Variants in EXTL3 observed in about 807,000 individuals in gnomAD.
The protein encoded by EXTL3 is exostosin-like 3.
A neutral mutation model predicts 69.3 loss-of-function variants in EXTL3; 27 were observed. The observed-to-expected ratio is 0.39, with a 90% CI of 0.29 to 0.54. EXTL3 has a LOEUF of 0.54. EXTL3 is among the 20% of genes least tolerant of loss of function. EXTL3 has a pLI of 0.69. For synonymous variants in EXTL3, 511 were observed against 499.4 expected, an observed-to-expected ratio of 1.02 and a Z score of -0.31; for missense variants, 1,003 against 1,231.8, an observed-to-expected ratio of 0.81 and a Z score of 2.78.
At chr8:28,651,332 CT>C (rs2130603526) in intron 1 of EXTL3, among the ~76,000 whole-genome samples, 1 of 152,166 alleles carries the variant, frequency 6.6e-6, no homozygotes, top group South Asian at 2.1e-4. Context: ...ACAGTTTCTT[CT>C]GTTTTTTTCA....
At chr8:28,638,157 G>A (rs577797565) in intron 1 of EXTL3, among the ~76,000 whole-genome samples, 1 of 152,154 alleles carries the variant, frequency 6.6e-6, no homozygotes, top group East Asian at 1.9e-4. Context: ...TACTCTCCCT[G>A]TACCCATCTT....
At chr8:28,636,839 T>C (rs1806664191) in intron 1 of EXTL3, among the ~76,000 whole-genome samples, 1 of 152,132 alleles carries the variant, frequency 6.6e-6, no homozygotes, top group Non-Finnish European at 1.5e-5. Flanking sequence ...GGTGAAACCC[T>C]GTCTCTACTA....
chr8:28,620,455 T>G (rs751290026), upstream of EXTL3, among the ~76,000 whole-genome samples: 2 of 152,150 alleles, frequency 1.3e-5, no homozygotes, highest in Non-Finnish European at 2.9e-5. Context: ...GGGGATGCTG[T>G]TTCCCATAAC....
At chr8:28,628,711 T>C (rs1806530467) in intron 1 of EXTL3, among the ~76,000 whole-genome samples, 1 of 152,210 alleles carries the variant, frequency 6.6e-6, no homozygotes, top group Non-Finnish European at 1.5e-5. Context: ...TAGAGTGCAG[T>C]GGCACAATCT....
At chr8:28,698,380 T>C (rs924560562), upstream of EXTL3, 1 of 152,228 alleles carries the variant, frequency 6.6e-6, no homozygotes, top group African/African-American at 2.4e-5. Flanking sequence ...TAGGAAGATT[T>C]GCAGTCCCGT....
intron 2 of EXTL3, among the ~76,000 whole-genome samples, chr8:28,611,681 T>G (rs1307035047): frequency 1.1e-4 from 16 of 152,122 alleles, no homozygotes; most frequent in Admixed American, 1.0e-3. Context: ...AGCCCCGAGG[T>G]GAAAGGCCTC....
At chr8:28,687,687 A>C (rs1276706452) in intron 1 of EXTL3, among the ~76,000 whole-genome samples, 2 of 152,192 alleles carry the variant, frequency 1.3e-5, no homozygotes, top group Non-Finnish European at 2.9e-5. Flanking sequence ...ACCTAGTGAT[A>C]AAAAGATGGC....
chr8:28,718,771 T>C (rs1210806860), intron 3 of EXTL3, among the ~76,000 whole-genome samples: 1 of 152,142 alleles, frequency 6.6e-6, no homozygotes, highest in East Asian at 1.9e-4. Flanking sequence ...TAGAAGTCTT[T>C]TGGAAGACTG....
chr8:28,722,722 T>C (rs1311047955), intron 3 of EXTL3, among the ~76,000 whole-genome samples: 1 of 146,854 alleles, frequency 6.8e-6, no homozygotes, highest in East Asian at 2.0e-4. Flanking sequence ...TGCAGTGAGC[T>C]GTGATTGTGC....
intron 1 of EXTL3, among the ~76,000 whole-genome samples, chr8:28,665,565 C>T (rs1807183911): frequency 6.6e-6 from 1 of 151,880 alleles, no homozygotes; most frequent in Admixed American, 6.6e-5. Flanking sequence ...GCACATGGCA[C>T]CACACCAAGC....
At chr8:28,745,423 A>G (rs1403229323) in intron 6 of EXTL3, among the ~76,000 whole-genome samples, 2 of 152,346 alleles carry the variant, frequency 1.3e-5, no homozygotes, top group African/African-American at 4.8e-5. Context: ...ATTGTGAAAA[A>G]TAGTCACAAG....
At chr8:28,728,354 G>A (rs1438522748) in intron 3 of EXTL3, among the ~76,000 whole-genome samples, 1 of 152,162 alleles carries the variant, frequency 6.6e-6, no homozygotes, top group Non-Finnish European at 1.5e-5. Context: ...CTGCTCTCTC[G>A]TCTGACCTAG....
upstream of EXTL3, among the ~76,000 whole-genome samples, chr8:28,619,455 T>C (rs77555358): frequency 0.011 from 1,639 of 152,010 alleles, 25 homozygotes; most frequent in African/African-American, 0.038. Flanking sequence ...AGAACACGCT[T>C]CCTCCGGGTG....
intron 2 of EXTL3, among the ~76,000 whole-genome samples, chr8:28,714,583 C>A (rs1801101342): frequency 6.6e-6 from 1 of 152,070 alleles, no homozygotes; most frequent in Non-Finnish European, 1.5e-5. Context: ...CATGTCTTAG[C>A]CCTGTTAAGA....
At chr8:28,678,414 A>G (rs1422572734) in intron 1 of EXTL3, among the ~76,000 whole-genome samples, 1 of 152,268 alleles carries the variant, frequency 6.6e-6, no homozygotes. Flanking sequence ...TCATTTAGGA[A>G]TAGATTAATG....
rs533378857 is a variant in EXTL3, at chr8:28,669,921, C to T, written c.-52-43536C>T. On this transcript the variant is annotated intron_variant, in intron 1 of 6. Coordinates refer to the EXTL3 transcript ENST00000523149. ...AGGTTGCAGATGTCCTTTAAAGGGA[C>T]TTTGAGGCCGGGTGCAGTGGCTTAT... Among the ~76,000 whole-genome samples the T allele has an allele frequency of 1.1e-4, 16 of 152,128 alleles. 1 individual carries two copies. The South Asian group carries it at 2.9e-3, about 28-fold the overall frequency.
At chr8:28,688,157 G>A (rs920915293) in intron 1 of EXTL3, among the ~76,000 whole-genome samples, 3 of 151,634 alleles carry the variant, frequency 2.0e-5, no homozygotes, top group Non-Finnish European at 4.4e-5. Flanking sequence ...TGCCTCCCAG[G>A]TTCAAGCAAT....
intron 3 of EXTL3, among the ~76,000 whole-genome samples, chr8:28,721,624 G>A: frequency 6.6e-6 from 1 of 152,134 alleles, no homozygotes; most frequent in East Asian, 1.9e-4. Flanking sequence ...GTATTTTTGT[G>A]CAGAGGTTAT....
chr8:28,698,092 T>C (rs1328280405), upstream of EXTL3: 1 of 152,122 alleles, frequency 6.6e-6, no homozygotes, highest in Non-Finnish European at 1.5e-5. Context: ...TTATGGGGAT[T>C]TGGGAACGAG....
Sources: gnomAD v4.1 joint callset for allele counts (sites outside exome capture counted in the v4.1 genomes callset) on GRCh38, gnomAD v4.1.1 for gene constraint, MANE v1.5 for transcripts, NCBI Gene and HGNC (gene_info 2026-07-23, HGNC 2026-07-21) for gene names.